The following PCDHGB3 variants were observed in gnomAD, a reference collection of about 807,000 sequenced individuals.
PCDHGB3 encodes protocadherin gamma-B3.
PCDHGB3 carries 40 observed loss-of-function variants against 59.2 expected under a neutral mutation model. The ratio of observed to expected loss-of-function variants is 0.68; its 90% CI spans 0.52 to 0.88. The LOEUF is 0.88. PCDHGB3 is among the 40% of genes least tolerant of loss of function. The pLI is 0.00. For missense variants in PCDHGB3, 1,309 were observed against 1,187.9 expected (o/e 1.10, Z -1.50); for synonymous variants, 581 against 503.6 (o/e 1.15, Z -2.06).
chr5:141,384,606 A>G (rs770325322), intron 1 of PCDHGB3: 1 of 1,614,152 alleles, frequency 6.2e-7, no homozygotes, highest in Admixed American at 1.7e-5. Context: ...CCCTCCCCAC[A>G]GATGGTTCTA....
intron 1 of PCDHGB3, among the ~76,000 whole-genome samples, chr5:141,488,289 TAAGTGAA>T (rs1389982829): frequency 6.6e-6 from 1 of 152,186 alleles, no homozygotes; most frequent in Non-Finnish European, 1.5e-5. Context: ...GAAAAAACAG[TAAGTGAA>T]ATCACTTATG....
At chr5:141,383,464 A>C (rs368298668) in intron 1 of PCDHGB3, 99 of 1,613,728 alleles carry the variant, frequency 6.1e-5, no homozygotes, top group Non-Finnish European at 8.2e-5. Context: ...AGACGATGAA[A>C]CTAAGTACCC....
chr5:141,489,867 G>C lies in PCDHGB3; in HGVS notation c.2416-4940G>C. ...ATCGTGAAGCCCAGGCAAGACATCA[G>C]CTGGTGCTTACTGCTGTGGATGGGG... On this transcript the variant is annotated intron_variant, in intron 1 of 3. Transcript: ENST00000576222. This position sits in a 1 kb window ranked among gnomAD's most constrained non-coding sequence, Gnocchi z 4.5. 1 of 1,614,240 alleles carries C rather than the reference G, an allele frequency of 6.2e-7. No individual in the cohort carries two copies. Among genetic ancestry groups the C allele is most frequent in the Non-Finnish European group, 8.5e-7 (1 of 1,180,034 alleles).
chr5:141,382,839 T>A lies in PCDHGB3; in HGVS notation c.2415+10030T>A. 4 of 1,450,270 alleles carry A rather than the reference T, an allele frequency of 2.8e-6. No individual in the cohort carries two copies. In the South Asian group the frequency reaches 5.5e-5, roughly 20 times the overall value. 89.8% of individuals were successfully genotyped at this position (1,450,270 alleles called of 1,614,324 possible). A position where few individuals can be genotyped will look rare whatever the true frequency, so the allele number is the denominator to read the frequency against. On this transcript the variant is annotated intron_variant, in intron 1 of 3. Coordinates refer to ENST00000576222, the MANE Select transcript of PCDHGB3 (RefSeq NM_018924.5). ...CCTAAGACAGAGGGGTCCACCCGGA[T>A]ACACCCGCATTCTGAAGCACTTCCC...
At chr5:141,398,593 G>A (rs2093676056) in intron 1 of PCDHGB3, 1 of 1,614,044 alleles carries the variant, frequency 6.2e-7, no homozygotes, top group Non-Finnish European at 8.5e-7. Flanking sequence ...TATACTAGAA[G>A]TAGCAGAAGA....
intron 1 of PCDHGB3, chr5:141,478,473 A>G (rs2099458384): frequency 6.2e-7 from 1 of 1,613,742 alleles, no homozygotes; most frequent in African/African-American, 1.3e-5. Context: ...GCCAGCCGCC[A>G]GAACACGCTG....
At chr5:141,460,616 TAGAC>T (rs533223594) in intron 1 of PCDHGB3, among the ~76,000 whole-genome samples, 44 of 152,232 alleles carry the variant, frequency 2.9e-4, no homozygotes, top group Middle Eastern at 3.4e-3. Context: ...GATGGATAGA[TAGAC>T]AGATACAGAT....
chr5:141,432,172 C>T lies in PCDHGB3; in HGVS notation c.2415+59363C>T, dbSNP rs562175068. ...AGAACAATCCCAGAGGAGTTTCCCT[C>T]GTCTCTGTGACCGCCCACGACCCCG... On this transcript the variant is annotated intron_variant, in intron 1 of 3. Coordinates refer to ENST00000576222, the MANE Select transcript of PCDHGB3 (RefSeq NM_018924.5). This position sits in a 1 kb window ranked among gnomAD's most constrained non-coding sequence, Gnocchi z 6.0. 22 of 1,614,152 alleles carry T rather than the reference C, an allele frequency of 1.4e-5. No individual in the cohort carries two copies. In the Admixed American group the frequency reaches 3.5e-4, roughly 26 times the overall value.
At chr5:141,430,557 G>C (rs1161595629) in intron 1 of PCDHGB3, 5 of 412,906 alleles carry the variant, frequency 1.2e-5, no homozygotes, top group Non-Finnish European at 1.7e-5. Context: ...TTCACCAATC[G>C]GGGAGAGAAA....
At chr5:141,389,957 G>C in intron 1 of PCDHGB3, 2 of 1,614,080 alleles carry the variant, frequency 1.2e-6, no homozygotes, top group Non-Finnish European at 1.7e-6. Flanking sequence ...TTTACCTAGT[G>C]GTGGCCTTGG....
intron 2 of PCDHGB3, 99 bp from the exon 3 acceptor site, chr5:141,505,294 G>T: frequency 6.4e-7 from 1 of 1,572,086 alleles, no homozygotes; most frequent in Non-Finnish European, 8.6e-7. Context: ...GCATGGGGTA[G>T]GGTTAGGGTA....
rs200117787 is a variant in PCDHGB3, at chr5:141,477,443, G to T, written c.2416-17364G>T. ...CCCTTCCCTCTCAGCCCTTACAATA[G>T]TGCGTGTTCAAGTGTCCGACATCAA... On this transcript the variant is annotated intron_variant, in intron 1 of 3. Coordinates refer to ENST00000576222, the MANE Select transcript of PCDHGB3 (RefSeq NM_018924.5). This position sits in a 1 kb window ranked among gnomAD's most constrained non-coding sequence, Gnocchi z 4.9. The T allele has an allele frequency of 1.7e-5, 28 of 1,614,136 alleles. No homozygotes were observed. In the East Asian group the frequency reaches 6.2e-4, roughly 36 times the overall value.
chr5:141,437,591 G>T (rs1177672004), intron 1 of PCDHGB3, among the ~76,000 whole-genome samples: 5 of 152,170 alleles, frequency 3.3e-5, no homozygotes, highest in Non-Finnish European at 7.3e-5. Flanking sequence ...GAATTGGATA[G>T]TTCTGGTGTA....
chr5:141,394,120 C>G, intron 1 of PCDHGB3: 3 of 1,613,954 alleles, frequency 1.9e-6, no homozygotes, highest in Non-Finnish European at 1.7e-6. Context: ...TCCACTGAAA[C>G]TCAAATCGCT....
At chr5:141,400,232 C>CT (rs1207022796) in intron 1 of PCDHGB3, 6 of 1,613,914 alleles carry the variant, frequency 3.7e-6, no homozygotes, top group African/African-American at 1.3e-5. Context: ...TTCCTCCTGG[C>CT]CGTGATTCTG....
chr5:141,432,250 A>T lies in PCDHGB3; in HGVS notation c.2415+59441A>T. ...ATTCCCTGGCTGAGAACACCATCCA[A>T]GGGGCAAGCCTATCGTCCTACGTGT... is the stretch of plus-strand genomic sequence containing the variant. On this transcript the variant is annotated intron_variant, in intron 1 of 3. Transcript: ENST00000576222. This position sits in a 1 kb window ranked among gnomAD's most constrained non-coding sequence, Gnocchi z 6.0. 1 of 1,614,234 alleles carries T rather than the reference A, an allele frequency of 6.2e-7. No homozygotes were observed. Among genetic ancestry groups the T allele is most frequent in the Non-Finnish European group, 8.5e-7 (1 of 1,180,054 alleles).
intron 1 of PCDHGB3, among the ~76,000 whole-genome samples, chr5:141,436,328 A>G (rs146180035): frequency 6.6e-6 from 1 of 152,326 alleles, no homozygotes; most frequent in East Asian, 1.9e-4. Flanking sequence ...CTGTTAGACC[A>G]TATCTCAAAT....
rs1240258760 is a variant in PCDHGB3 at position 141,423,933 on chromosome 5, GAAGT to G, written c.2415+51129_2415+51132del. On this transcript the variant is annotated intron_variant, in intron 1 of 3. Coordinates refer to ENST00000576222, the MANE Select transcript of PCDHGB3 (RefSeq NM_018924.5). The stretch of plus-strand genomic sequence containing the variant: ...CCATTCAACTATGCTGGTTTGGTTT[GAAGT>G]AAGTTGAATTTTAGTATTATTTTTC... 5 of 1,226,500 alleles carry G rather than the reference GAAGT, an allele frequency of 4.1e-6. No homozygotes were observed. The African/African-American group carries it at 7.9e-5, about 19-fold the overall frequency. The allele number at this position is 1,226,500 out of a possible 1,614,324, so 76.0% of individuals were successfully genotyped here. A position where few individuals can be genotyped will look rare whatever the true frequency, so the allele number is the denominator to read the frequency against.
chr5:141,490,640 G>C lies in PCDHGB3; in HGVS notation c.2416-4167G>C, dbSNP rs774630488. 1 of 1,614,122 alleles carries C rather than the reference G, an allele frequency of 6.2e-7. No individual in the cohort carries two copies. The highest frequency in any genetic ancestry group is 8.5e-7 in the Non-Finnish European group (1 of 1,180,012). On this transcript the variant is annotated intron_variant, in intron 1 of 3. Coordinates refer to ENST00000576222, the MANE Select transcript of PCDHGB3 (RefSeq NM_018924.5). This position sits in a 1 kb window ranked among gnomAD's most constrained non-coding sequence, Gnocchi z 5.4. The stretch of plus-strand genomic sequence containing the variant: ...TACACTGCTTACATCCTAGAAAACC[G>C]GCCTCCGGGCTCCCTTCTTTGCACT...
Sources: gnomAD v4.1 joint callset for allele counts (sites outside exome capture counted in the v4.1 genomes callset) on GRCh38, gnomAD v4.1.1 for gene constraint, Gnocchi (gnomAD v3.1) non-coding constraint, MANE v1.5 for transcripts, NCBI Gene and HGNC (gene_info 2026-07-23, HGNC 2026-07-21) for gene names.